The following ABLIM2 variants were observed in gnomAD, a reference collection of about 807,000 sequenced individuals.
The protein encoded by ABLIM2 is actin-binding LIM protein 2.
Under a neutral mutation model 97.7 loss-of-function variants are expected in ABLIM2, and 53 were observed. The observed-to-expected ratio is 0.54, with a 90% CI of 0.44 to 0.68. The LOEUF is 0.68. ABLIM2 is among the 30% of genes least tolerant of loss of function. The pLI is 0.00. For missense variants in ABLIM2, 835 were observed against 867.2 expected (o/e 0.96, Z 0.47); for synonymous variants, 361 against 345.8 (o/e 1.04, Z -0.49).
At position 8,083,405 on chromosome 4, in the gene ABLIM2, C is replaced by T. The variant is rs188565833; in HGVS notation, c.455-2603G>A. Among the ~76,000 whole-genome samples, 101 of 152,302 alleles carry T rather than the reference C, an allele frequency of 6.6e-4. No individual in the cohort carries two copies. The highest frequency in any genetic ancestry group is 1.7e-3 in the East Asian group (9 of 5,180). On this transcript the variant is annotated intron_variant, in intron 4 of 20. Coordinates refer to ENST00000447017, the MANE Select transcript of ABLIM2 (RefSeq NM_001130083.2). The surrounding 1 kb of genome is among the most constrained non-coding windows in gnomAD (Gnocchi z 4.6). ...CTGTTGTTGCCAGGTGGTCCCCTCACGGGTGGCCTGCTCCCTCTGTGATGC... is the reference window on the plus strand; with the variant it reads ...CTGTTGTTGCCAGGTGGTCCCCTCATGGGTGGCCTGCTCCCTCTGTGATGC...
intron 16 of ABLIM2, among the ~76,000 whole-genome samples, chr4:8,006,544 G>A (rs1157827251): frequency 6.6e-6 from 1 of 152,234 alleles, no homozygotes; most frequent in East Asian, 1.9e-4. Context: ...AGTAGGGAGG[G>A]TGCTGGGGAA....
At chr4:8,040,382 A>G (rs60189532) in intron 9 of ABLIM2, among the ~76,000 whole-genome samples, 38,772 of 152,042 alleles carry the variant, frequency 0.26, 5,427 homozygotes, top group East Asian at 0.45. Flanking sequence ...AGGCCAAGGT[A>G]GGTGGGTCAC....
At chr4:8,089,782 TTCTG>T (rs1196738672) in intron 3 of ABLIM2, among the ~76,000 whole-genome samples, 1 of 147,358 alleles carries the variant, frequency 6.8e-6, no homozygotes, top group Non-Finnish European at 1.5e-5. Flanking sequence ...CTTTGTTGGG[TTCTG>T]TCTGTCTTCT....
intron 1 of ABLIM2, among the ~76,000 whole-genome samples, chr4:8,152,651 G>C (rs1053494644): frequency 6.6e-6 from 1 of 152,212 alleles, no homozygotes; most frequent in Non-Finnish European, 1.5e-5. Flanking sequence ...GGGCTTCCCC[G>C]GGACTGGGAC....
chr4:8,051,228 G>C (rs2151912315), intron 8 of ABLIM2, among the ~76,000 whole-genome samples: 1 of 152,322 alleles, frequency 6.6e-6, no homozygotes, highest in African/African-American at 2.4e-5. Context: ...GCCCTGGTCG[G>C]TTTCAGTGTG....
At chr4:8,084,633 T>TG (rs1288327520) in intron 4 of ABLIM2, among the ~76,000 whole-genome samples, 1 of 152,112 alleles carries the variant, frequency 6.6e-6, no homozygotes, top group Admixed American at 6.5e-5. Context: ...TGGTGGGGCC[T>TG]CCCCAGGTCC....
At position 8,082,913 on chromosome 4, in the gene ABLIM2, G is replaced by C. The variant is rs1016997525; in HGVS notation, c.455-2111C>G. 6.6e-6 allele frequency among the ~76,000 whole-genome samples: 1 copy of C among 152,234 alleles called. No individual in the cohort carries two copies. The highest frequency in any genetic ancestry group is 1.5e-5 in the Non-Finnish European group (1 of 68,044). On this transcript the variant is annotated intron_variant, in intron 4 of 20. Transcript: ENST00000447017. The surrounding 1 kb of genome is among the most constrained non-coding windows in gnomAD (Gnocchi z 5.6). ...TCCTGGCTTCCCCCACTTAGCAGGT[G>C]ATGAGGCACATTTTGCAAAGCTCTG...
chr4:8,147,105 A>C lies in ABLIM2; in HGVS notation c.10+11575T>G, dbSNP rs1327225614. Among the ~76,000 whole-genome samples the C allele has an allele frequency of 2.0e-5, 3 of 152,224 alleles. No homozygotes were observed. The highest frequency in any genetic ancestry group is 4.4e-5 in the Non-Finnish European group (3 of 68,042). ...GCTTTCTTCAGAAGAGATTCCCAGA[A>C]GTCGCATTATTCCATCAAAAGGCAT... On this transcript the variant is annotated intron_variant, in intron 1 of 20. Transcript: ENST00000447017. The surrounding 1 kb of genome is among the most constrained non-coding windows in gnomAD (Gnocchi z 5.3).
intron 10 of ABLIM2, among the ~76,000 whole-genome samples, chr4:8,030,175 C>A (rs576010476): frequency 6.6e-6 from 1 of 152,142 alleles, no homozygotes; most frequent in Non-Finnish European, 1.5e-5. Flanking sequence ...GGGTTTCTCA[C>A]GTGTGAACTG....
chr4:8,018,999 G>C (rs977859123), intron 14 of ABLIM2, among the ~76,000 whole-genome samples: 1 of 152,180 alleles, frequency 6.6e-6, no homozygotes, highest in African/African-American at 2.4e-5. Context: ...GGAGGAAAGA[G>C]AGGGGAGACC....
rs1413636586 is a variant in ABLIM2, at chr4:8,035,316, G to A, written c.1047+833C>T. Among the ~76,000 whole-genome samples, 4 of 152,216 alleles carry A rather than the reference G, an allele frequency of 2.6e-5. No individual in the cohort carries two copies. The East Asian group carries it at 5.8e-4, about 22-fold the overall frequency. ...TGCACCCAGCAGCCATGACTTTCTCGCCCCACACCATCCGCATCGAACGCG... is the reference window on the plus strand; with the variant it reads ...TGCACCCAGCAGCCATGACTTTCTCACCCCACACCATCCGCATCGAACGCG... On this transcript the variant is annotated intron_variant, in intron 10 of 20. Transcript: ENST00000447017.
chr4:8,110,344 G>C (rs921773097), intron 1 of ABLIM2, among the ~76,000 whole-genome samples: 2 of 152,198 alleles, frequency 1.3e-5, no homozygotes, highest in Non-Finnish European at 2.9e-5. Flanking sequence ...ATTCCCGGGG[G>C]ACAGCGCGGG....
In ABLIM2 at chr4:8,061,774, C is replaced by T. The variant is rs6845573; in HGVS notation, c.676-720G>A. ...AAATGTGGATGCTAAATCCCCGTGG[C>T]TCATTCTTTCCTAAAACGGGAAGAA... On this transcript the variant is annotated intron_variant, in intron 6 of 20. Transcript: ENST00000447017. This position sits in a 1 kb window ranked among gnomAD's most constrained non-coding sequence, Gnocchi z 4.5. 0.25 allele frequency among the ~76,000 whole-genome samples: 37,907 copies of T among 151,872 alleles called. 4,889 individuals carry two copies. Among genetic ancestry groups the T allele is most frequent in the South Asian group, 0.36 (1,726 of 4,802 alleles).
chr4:8,154,027 A>G (rs1333830719), intron 1 of ABLIM2, among the ~76,000 whole-genome samples: 3 of 139,002 alleles, frequency 2.2e-5, no homozygotes, highest in Admixed American at 7.8e-5. Context: ...CAGTGGCGTG[A>G]TCTCGGCTCA....
chr4:8,096,564 G>A (rs772147396), intron 3 of ABLIM2, among the ~76,000 whole-genome samples: 22 of 152,224 alleles, frequency 1.4e-4, no homozygotes, highest in Non-Finnish European at 2.8e-4. Flanking sequence ...GTAACCACAG[G>A]GAACTGCTTT....
chr4:8,039,894 T>TTTTTTTTC (rs1553989809), intron 9 of ABLIM2, among the ~76,000 whole-genome samples: 1 of 145,548 alleles, frequency 6.9e-6, no homozygotes, highest in African/African-American at 2.6e-5. Flanking sequence ...TTTTTTTTTT[T>TTTTTTTTC]TTAATAAATG....
At chr4:8,026,432 AATG>A (rs1347412815) in intron 12 of ABLIM2, among the ~76,000 whole-genome samples, 6 of 152,244 alleles carry the variant, frequency 3.9e-5, no homozygotes, top group Admixed American at 1.3e-4. Context: ...CGCCCAAAGC[AATG>A]ATGATGAGGT....
In ABLIM2 at chr4:8,001,034, G is replaced by A. The variant is rs537415974; in HGVS notation, c.1618+7025C>T. Reference sequence around the variant, plus strand: ...CCACTCGCTTGGGCAGTTCCCATCCGCTCCTGGGTGCACGGGCAGGAGGTT... The same window carrying A: ...CCACTCGCTTGGGCAGTTCCCATCCACTCCTGGGTGCACGGGCAGGAGGTT... On this transcript the variant is annotated intron_variant, in intron 16 of 20. Coordinates refer to ENST00000447017, the MANE Select transcript of ABLIM2 (RefSeq NM_001130083.2). The surrounding 1 kb of genome is among the most constrained non-coding windows in gnomAD (Gnocchi z 4.2). Among the ~76,000 whole-genome samples, 47 of 152,340 alleles carry A rather than the reference G, an allele frequency of 3.1e-4. No homozygotes were observed. The highest frequency in any genetic ancestry group is 5.7e-4 in the Non-Finnish European group (39 of 68,024).
Position 8,128,561 on chromosome 4 carries a change from C to T in ABLIM2, c.11-21924G>A, listed in dbSNP as rs990058232. Among the ~76,000 whole-genome samples the T allele has an allele frequency of 3.3e-5, 5 of 152,228 alleles. No individual in the cohort carries two copies. Among genetic ancestry groups the T allele is most frequent in the South Asian group, 2.1e-4 (1 of 4,834 alleles). ...AGATGTACTCCCAGGCTCTAAAACA[C>T]GAATGCACTAAACCTCCAGTGACCT... is the stretch of plus-strand genomic sequence containing the variant. On this transcript the variant is annotated intron_variant, in intron 1 of 20. Transcript: ENST00000447017. This position sits in a 1 kb window ranked among gnomAD's most constrained non-coding sequence, Gnocchi z 4.9.
Sources: gnomAD v4.1 joint callset for allele counts (sites outside exome capture counted in the v4.1 genomes callset) on GRCh38, gnomAD v4.1.1 for gene constraint, Gnocchi (gnomAD v3.1) non-coding constraint, MANE v1.5 for transcripts, NCBI Gene and HGNC (gene_info 2026-07-23, HGNC 2026-07-21) for gene names.